The following LOC128462377 variants were observed in gnomAD, a reference collection of about 807,000 sequenced individuals.
At chr16:89,333,945 T>C in the LOC128462377 span, among the ~76,000 whole-genome samples, 5 of 151,790 alleles carry the variant, frequency 3.3e-5, no homozygotes, top group African/African-American at 1.2e-4. Flanking sequence ...GTCAGGACAA[T>C]TCAAATGCTG....
At chr16:89,327,830 A>C in the LOC128462377 span, among the ~76,000 whole-genome samples, 1 of 152,224 alleles carries the variant, frequency 6.6e-6, no homozygotes, top group South Asian at 2.1e-4. Flanking sequence ...ACCTAGGGCC[A>C]AGAGTTGTCA....
At chr16:89,380,500 G>C in the LOC128462377 span, among the ~76,000 whole-genome samples, 3 of 152,180 alleles carry the variant, frequency 2.0e-5, no homozygotes, top group Non-Finnish European at 4.4e-5. Flanking sequence ...TCCAGAGAAC[G>C]ACCAGCAGTC....
At chr16:89,413,129 A>C in the LOC128462377 span, among the ~76,000 whole-genome samples, 1 of 152,226 alleles carries the variant, frequency 6.6e-6, no homozygotes, top group African/African-American at 2.4e-5. Context: ...GAACAGGTCT[A>C]ACTTAAATGA....
chr16:89,364,555 C>T, the LOC128462377 span, among the ~76,000 whole-genome samples: 1 of 152,186 alleles, frequency 6.6e-6, no homozygotes, highest in South Asian at 2.1e-4. Flanking sequence ...CAGTCAGACC[C>T]TAAAGCAGAG....
chr16:89,324,423 T>C, the LOC128462377 span: 3 of 483,196 alleles, frequency 6.2e-6, no homozygotes, highest in Admixed American at 7.0e-5. Flanking sequence ...AAATGCAAAC[T>C]AAAACCAAGG....
the LOC128462377 span, among the ~76,000 whole-genome samples, chr16:89,373,908 G>A: frequency 6.6e-6 from 1 of 152,178 alleles, no homozygotes; most frequent in Non-Finnish European, 1.5e-5. Flanking sequence ...CTTGGCAGGC[G>A]GTCCACACGG....
chr16:89,334,576 G>A, the LOC128462377 span, among the ~76,000 whole-genome samples: 1 of 152,084 alleles, frequency 6.6e-6, no homozygotes, highest in Non-Finnish European at 1.5e-5. Context: ...ATGGGGCCAT[G>A]AGAAGCAGCC....
chr16:89,373,985 G>A, the LOC128462377 span, among the ~76,000 whole-genome samples: 2 of 152,242 alleles, frequency 1.3e-5, no homozygotes, highest in African/African-American at 4.8e-5. Context: ...CTCCAGAAGG[G>A]TCTGACGACC....
the LOC128462377 span, among the ~76,000 whole-genome samples, chr16:89,416,653 G>C: frequency 1.3e-5 from 2 of 151,748 alleles, no homozygotes; most frequent in African/African-American, 2.4e-5. Context: ...ATTTTGGCCA[G>C]GTGTGGTGGC....
chr16:89,320,814 A>C, the LOC128462377 span, among the ~76,000 whole-genome samples: 3 of 152,268 alleles, frequency 2.0e-5, no homozygotes, highest in African/African-American at 7.2e-5. Context: ...TGCTGGGAAC[A>C]GCCGTCCTTG....
chr16:89,349,899 CACACACACACACAT>C, the LOC128462377 span, among the ~76,000 whole-genome samples: 1,128 of 135,634 alleles, frequency 8.3e-3, 6 homozygotes, highest in South Asian at 0.024. Context: ...CACACACACA[CACACACACACACAT>C]ATTCAAACAA....
chr16:89,407,586 C>A, the LOC128462377 span, among the ~76,000 whole-genome samples: 144 of 152,254 alleles, frequency 9.5e-4, no homozygotes, highest in Middle Eastern at 3.4e-3. Context: ...TTTGGGAGGC[C>A]GAGGCAGGTG....
chr16:89,394,681 T>C, the LOC128462377 span, among the ~76,000 whole-genome samples: 2 of 151,316 alleles, frequency 1.3e-5, no homozygotes, highest in East Asian at 1.9e-4. Flanking sequence ...TATTTTCCAC[T>C]CCTCGTCTCA....
the LOC128462377 span, among the ~76,000 whole-genome samples, chr16:89,361,200 A>C: frequency 7.2e-4 from 110 of 152,062 alleles, no homozygotes; most frequent in African/African-American, 2.5e-3. Flanking sequence ...ACCTCTGCGC[A>C]CCCCTTAGGA....
chr16:89,406,802 T>A, the LOC128462377 span, among the ~76,000 whole-genome samples: 1 of 151,860 alleles, frequency 6.6e-6, no homozygotes, highest in African/African-American at 2.4e-5. Context: ...CAGGACAGGG[T>A]GCCCTCCGGG....
chr16:89,336,598 G>A, the LOC128462377 span, among the ~76,000 whole-genome samples: 1 of 152,158 alleles, frequency 6.6e-6, no homozygotes, highest in Non-Finnish European at 1.5e-5. Context: ...TGAGACACAA[G>A]GTTAAAGTGA....
the LOC128462377 span, among the ~76,000 whole-genome samples, chr16:89,344,463 C>G: frequency 6.6e-6 from 1 of 152,304 alleles, no homozygotes; most frequent in East Asian, 1.9e-4. Flanking sequence ...TAGAAAATAT[C>G]CATCTGTCTG....
At chr16:89,349,134 T>TAAAAAAAAA in the LOC128462377 span, among the ~76,000 whole-genome samples, 1,066 of 16,478 alleles carry the variant, frequency 0.065, 161 homozygotes, top group Non-Finnish European at 0.071. Flanking sequence ...TCTCAAAAAG[T>TAAAAAAAAA]AAAAAAAAAA....
the LOC128462377 span, among the ~76,000 whole-genome samples, chr16:89,379,828 A>G: frequency 1.3e-5 from 2 of 152,260 alleles, no homozygotes; most frequent in African/African-American, 4.8e-5. Context: ...CAAGAAGAGT[A>G]TACATAATAA....
Sources: allele counts gnomAD v4.1 joint callset (sites outside exome capture counted in the v4.1 genomes callset), GRCh38; gene constraint gnomAD v4.1.1; transcripts MANE v1.5.